The following ZNF292 variants were observed in gnomAD, a reference collection of about 807,000 sequenced individuals.
ZNF292 encodes the protein zinc finger protein 292.
Under a neutral mutation model 217.9 loss-of-function variants are expected in ZNF292, and 26 were observed. The ratio of observed to expected loss-of-function variants is 0.12; its 90% confidence interval spans 0.09 to 0.17. The LOEUF (loss-of-function observed/expected upper bound fraction) is 0.17. Among genes scored for constraint, ZNF292 ranks in the 10% least tolerant of loss-of-function variants. The pLI is 1.00. For synonymous variants in ZNF292, 1,257 were observed against 1,124.1 expected (o/e 1.12, Z -2.37); for missense variants, 2,904 against 3,175.2 (o/e 0.91, Z 2.05).
intron 4 of ZNF292, among the ~76,000 whole-genome samples, chr6:87,230,419 A>G (rs989246165): frequency 1.3e-5 from 2 of 152,172 alleles, no homozygotes; most frequent in African/African-American, 2.4e-5. Context: ...TGTAGGAATT[A>G]GTGGTTTCCT....
intron 5 of ZNF292, among the ~76,000 whole-genome samples, chr6:87,234,958 G>A (rs1482118987): frequency 6.6e-6 from 1 of 152,104 alleles, no homozygotes; most frequent in East Asian, 1.9e-4. Context: ...TCTTATGTGA[G>A]GATATTGAGG....
chr6:87,203,668 G>A (rs73483765), intron 1 of ZNF292, among the ~76,000 whole-genome samples: 12,355 of 151,794 alleles, frequency 0.081, 853 homozygotes, highest in African/African-American at 0.19. Context: ...CATCATGTTG[G>A]GGGAAGGCAT....
chr6:87,233,544 T>C lies in ZNF292; in HGVS notation c.741+17T>C, dbSNP rs1196314157. The C allele has an allele frequency of 6.3e-7, 1 of 1,577,914 alleles. No individual in the cohort carries two copies. The highest frequency in any genetic ancestry group is 8.6e-7 in the Non-Finnish European group (1 of 1,161,658). On this transcript the variant is annotated intron_variant, in intron 5 of 7. Transcript: ENST00000369577. ...ATCGAAGAGGTGAGTATGTTTTCTT[T>C]CATTAGTAATTATTTTTTAAGTTGA... is the stretch of plus-strand genomic sequence containing the variant.
intron 4 of ZNF292, among the ~76,000 whole-genome samples, chr6:87,226,718 C>T (rs1035865604): frequency 1.7e-4 from 25 of 149,022 alleles, no homozygotes; most frequent in African/African-American, 5.9e-4. Flanking sequence ...CTCCCTCTGT[C>T]GCCCAAGCTG....
In ZNF292 at chr6:87,258,968, C is replaced by T; in HGVS notation, c.5339C>T (p.Ala1780Val). The change falls in exon 8 of 8, where the codon GCT becomes GTT. Residue 1780 changes from alanine (A) to valine (V), a missense_variant. Coordinates refer to ENST00000369577, the MANE Select transcript of ZNF292 (RefSeq NM_015021.3). Reference sequence around the variant, plus strand: ...GAGGTAAAAAGTGGATCTCAGGGTGCTGGTGAAACTTCACAAAATGCTCAA... The same window carrying T: ...GAGGTAAAAAGTGGATCTCAGGGTGTTGGTGAAACTTCACAAAATGCTCAA... The part of the protein sequence containing the change: ...ILEVKSGSQG[A>V]GETSQNAQIN... The T allele has an allele frequency of 6.2e-7, 1 of 1,613,172 alleles. No individual in the cohort carries two copies. The highest frequency in any genetic ancestry group is 8.5e-7 in the Non-Finnish European group (1 of 1,179,488).
chr6:87,214,603 T>A (rs540591919), intron 1 of ZNF292, among the ~76,000 whole-genome samples: 1 of 151,950 alleles, frequency 6.6e-6, no homozygotes, highest in African/African-American at 2.4e-5. Flanking sequence ...TAGTTGAGTA[T>A]CCCCCGACAC....
chr6:87,261,883 C>A lies in ZNF292; in HGVS notation c.*82C>A. On this transcript the variant is annotated 3_prime_UTR_variant, in exon 8 of 8. Coordinates refer to ENST00000369577, the MANE Select transcript of ZNF292 (RefSeq NM_015021.3). ...AAGCATGCTAGAATTGTGAAACTTT[C>A]ATTATATTTTTTTGTTGTTGACATG... 6 of 1,000,494 alleles carry A rather than the reference C, an allele frequency of 6.0e-6. No individual in the cohort carries two copies. The highest frequency in any genetic ancestry group is 3.0e-5 in the South Asian group (1 of 32,898). The allele number at this position is 1,000,494 out of a possible 1,614,324, so 62.0% of individuals were successfully genotyped here. A position where few individuals can be genotyped will look rare whatever the true frequency, so the allele number is the denominator to read the frequency against.
intron 1 of ZNF292, among the ~76,000 whole-genome samples, chr6:87,175,218 G>T (rs1329092443): frequency 2.0e-5 from 3 of 152,052 alleles, no homozygotes; most frequent in Non-Finnish European, 4.4e-5. Flanking sequence ...TCCTAAAAAA[G>T]GTTTTCCTTA....
intron 1 of ZNF292, among the ~76,000 whole-genome samples, chr6:87,184,860 G>C (rs915827626): frequency 6.6e-6 from 1 of 152,170 alleles, no homozygotes; most frequent in Non-Finnish European, 1.5e-5. Flanking sequence ...TGAGCCTGAA[G>C]TTCTCATATC....
Position 87,233,608 on chromosome 6 carries a change from T to G in ZNF292, c.741+81T>G, listed in dbSNP as rs1773758697. The stretch of plus-strand genomic sequence containing the variant: ...AATTAGAATGTCTTTGATTTCCTTT[T>G]CTCTTAGATAGCGAAGAGATCATTG... On this transcript the variant is annotated intron_variant, in intron 5 of 7. Transcript: ENST00000369577. The G allele has an allele frequency of 1.9e-6, 3 of 1,540,266 alleles. No individual in the cohort carries two copies. The South Asian group carries it at 3.9e-5, about 20-fold the overall frequency.
At chr6:87,198,833 A>G (rs1480167357) in intron 1 of ZNF292, among the ~76,000 whole-genome samples, 1 of 152,240 alleles carries the variant, frequency 6.6e-6, no homozygotes, top group East Asian at 1.9e-4. Flanking sequence ...GATAAAAGCT[A>G]TCAAATATTT....
At chr6:87,161,277 A>G (rs1362488257) in intron 1 of ZNF292, among the ~76,000 whole-genome samples, 1 of 152,224 alleles carries the variant, frequency 6.6e-6, no homozygotes, top group Non-Finnish European at 1.5e-5. Context: ...ATTTATATGC[A>G]AGGACCTAGG....
intron 1 of ZNF292, among the ~76,000 whole-genome samples, chr6:87,178,261 G>A (rs1042615932): frequency 1.1e-4 from 16 of 152,122 alleles, no homozygotes; most frequent in African/African-American, 3.6e-4. Flanking sequence ...TTCTTAAAAA[G>A]AGGGAACATG....
chr6:87,195,927 C>A (rs1771942284), intron 1 of ZNF292, among the ~76,000 whole-genome samples: 1 of 151,522 alleles, frequency 6.6e-6, no homozygotes, highest in South Asian at 2.1e-4. Flanking sequence ...AACCAGGAGG[C>A]TGAGGCAGGA....
intron 1 of ZNF292, among the ~76,000 whole-genome samples, chr6:87,169,052 T>A (rs1771007392): frequency 2.0e-5 from 3 of 152,134 alleles, no homozygotes; most frequent in South Asian, 4.1e-4. Context: ...TTTTAATTTT[T>A]ATTTTTTTGA....
rs1157125248 is a variant in ZNF292 at position 87,263,993 on chromosome 6, A to G, written c.*2192A>G. 6.6e-6 allele frequency: 1 copy of G among 152,136 alleles called. No individual in the cohort carries two copies. Among genetic ancestry groups the G allele is most frequent in the African/African-American group, 2.4e-5 (1 of 41,434 alleles). The allele number at this position is 152,136 out of a possible 1,614,324, so 9.4% of individuals were successfully genotyped here. A position where few individuals can be genotyped will look rare whatever the true frequency, so the allele number is the denominator to read the frequency against. ...AATTGTTTTACATGTCATGGGGAAG[A>G]GTTTGCCAACATTTAATGAAATTTT... is the stretch of plus-strand genomic sequence containing the variant. On this transcript the variant is annotated 3_prime_UTR_variant, in exon 8 of 8. Coordinates refer to ENST00000369577, the MANE Select transcript of ZNF292 (RefSeq NM_015021.3).
chr6:87,222,133 T>C (rs1773114080), intron 4 of ZNF292, among the ~76,000 whole-genome samples: 1 of 152,162 alleles, frequency 6.6e-6, no homozygotes, highest in African/African-American at 2.4e-5. Context: ...CAAGATTCTT[T>C]TTAATCCTGA....
chr6:87,261,051 AAAAAAT>A lies in ZNF292; in HGVS notation c.7423_7428del (p.Lys2475_Asn2476del). The A allele has an allele frequency of 6.2e-7, 1 of 1,603,958 alleles. No homozygotes were observed. Among genetic ancestry groups the A allele is most frequent in the Admixed American group, 1.7e-5 (1 of 58,298 alleles). The stretch of plus-strand genomic sequence containing the variant: ...CTACAGTTTCACAAAAGGAAGTTGA[AAAAAAT>A]GAAAAAGATGAAATGGATGAACTAA... On this transcript the variant is annotated inframe_deletion, in exon 8 of 8. Coordinates refer to ENST00000369577, the MANE Select transcript of ZNF292 (RefSeq NM_015021.3).
chr6:87,161,626 G>C (rs912815), intron 1 of ZNF292, among the ~76,000 whole-genome samples: 57,368 of 152,024 alleles, frequency 0.38, 11,322 homozygotes, highest in Admixed American at 0.52. Context: ...ACATTGCCCA[G>C]GTTGGTCTCA....
Sources: allele counts gnomAD v4.1 joint callset (sites outside exome capture counted in the v4.1 genomes callset), GRCh38; gene constraint gnomAD v4.1.1; transcripts MANE v1.5; gene names NCBI Gene and HGNC (gene_info 2026-07-23, HGNC 2026-07-21).